The following TXNDC8 variants were observed in gnomAD, a reference collection of about 807,000 sequenced individuals.
TXNDC8 encodes thioredoxin domain-containing protein 8.
TXNDC8 carries 15 observed loss-of-function variants against 12.9 expected under a neutral mutation model. That is an observed-to-expected ratio of 1.16 (90% confidence interval 0.78 to 1.79). TXNDC8 has a LOEUF of 1.79. TXNDC8 is among the 40% of genes most tolerant of loss of function. The pLI, the probability that TXNDC8 is intolerant of heterozygous loss-of-function variation, is 0.00. For missense variants in TXNDC8, 128 were observed against 113.2 expected (o/e 1.13, Z -0.59); for synonymous variants, 40 against 35.4 (o/e 1.13, Z -0.46).
chr9:110,319,903 T>C (rs1839027777), intron 3 of TXNDC8, among the ~76,000 whole-genome samples: 1 of 152,182 alleles, frequency 6.6e-6, no homozygotes, highest in Admixed American at 6.5e-5. Context: ...GCAAGAGCCC[T>C]ACAGTTCATA....
At chr9:110,332,822 GA>G (rs1839596483) in intron 2 of TXNDC8, among the ~76,000 whole-genome samples, 1 of 152,094 alleles carries the variant, frequency 6.6e-6, no homozygotes, top group East Asian at 1.9e-4. Flanking sequence ...GTGTATGTGG[GA>G]AAAAGATTTG....
intron 3 of TXNDC8, among the ~76,000 whole-genome samples, chr9:110,309,250 C>T (rs556325913): frequency 1.6e-4 from 24 of 152,270 alleles, no homozygotes; most frequent in South Asian, 1.0e-3. Context: ...CTGGGTGACT[C>T]GGGCCTCAAG....
At chr9:110,326,118 G>A in intron 3 of TXNDC8, 57 bp downstream of exon 4, 1 of 1,576,940 alleles carries the variant, frequency 6.3e-7, no homozygotes. Context: ...GCTTTTTTGA[G>A]GGACTCTGAT....
intron 3 of TXNDC8, among the ~76,000 whole-genome samples, chr9:110,320,832 A>T (rs558703387): frequency 1.4e-4 from 22 of 152,322 alleles, no homozygotes; most frequent in African/African-American, 5.3e-4. Flanking sequence ...CACCACAATT[A>T]ATCTTCCTGA....
intron 3 of TXNDC8, among the ~76,000 whole-genome samples, chr9:110,308,402 C>T (rs1838538516): frequency 6.6e-6 from 1 of 151,912 alleles, no homozygotes; most frequent in Admixed American, 6.6e-5. Flanking sequence ...TTTGTCTTGG[C>T]TAAAGTTAAT....
intron 3 of TXNDC8, among the ~76,000 whole-genome samples, chr9:110,307,646 C>T (rs1838516342): frequency 1.3e-5 from 2 of 152,164 alleles, no homozygotes; most frequent in Non-Finnish European, 2.9e-5. Flanking sequence ...GAAAACCTGC[C>T]TCCCATTCTT....
At chr9:110,337,167 C>A (rs1839788434) in intron 1 of TXNDC8, among the ~76,000 whole-genome samples, 1 of 152,180 alleles carries the variant, frequency 6.6e-6, no homozygotes, top group African/African-American at 2.4e-5. Flanking sequence ...ACCCCCTCCC[C>A]TCCTCCAGCT....
intron 3 of TXNDC8, among the ~76,000 whole-genome samples, chr9:110,305,583 TTTCTTTCTTTC>T (rs1838415709): frequency 7.1e-6 from 1 of 140,658 alleles, no homozygotes; most frequent in Admixed American, 6.9e-5. Flanking sequence ...TCTTTCTTTC[TTTCTTTCTTTC>T]TTTCTTTCTT....
chr9:110,323,179 G>A (rs549009770), intron 3 of TXNDC8: 72 of 985,368 alleles, frequency 7.3e-5, no homozygotes, highest in African/African-American at 3.0e-4. Flanking sequence ...CATTGCAATT[G>A]TCTAAGTAAA....
intron 3 of TXNDC8, among the ~76,000 whole-genome samples, chr9:110,324,555 TG>T (rs1371795871): frequency 6.6e-6 from 1 of 152,192 alleles, no homozygotes; most frequent in Non-Finnish European, 1.5e-5. Flanking sequence ...TCCTATTTCA[TG>T]GAGTAGATGT....
chr9:110,320,522 T>C (rs1264713922), intron 3 of TXNDC8, among the ~76,000 whole-genome samples: 1 of 152,184 alleles, frequency 6.6e-6, no homozygotes. Context: ...TGTGTCTTTA[T>C]TAGCAGCATG....
intron 2 of TXNDC8, among the ~76,000 whole-genome samples, chr9:110,332,845 A>G (rs1030987369): frequency 2.0e-5 from 3 of 152,246 alleles, no homozygotes; most frequent in Non-Finnish European, 4.4e-5. Flanking sequence ...ATATAAATAT[A>G]TGATTACAAC....
downstream of TXNDC8, among the ~76,000 whole-genome samples, chr9:110,303,061 C>CA (rs34213696): frequency 0.13 from 18,447 of 143,782 alleles, 1,194 homozygotes; most frequent in Admixed American, 0.2. Context: ...AAGACTGTCT[C>CA]AAAAAAAAAA....
chr9:110,337,828 CCT>C lies in TXNDC8; in HGVS notation c.-34_-33del. 6.2e-7 allele frequency: 1 copy of C among 1,612,322 alleles called. No individual in the cohort carries two copies. The highest frequency in any genetic ancestry group is 8.5e-7 in the Non-Finnish European group (1 of 1,178,798). On this transcript the variant is annotated 5_prime_UTR_variant, in exon 1 of 5. Transcript: ENST00000423740. ...ACCAGGGAAGTGCTGATGAAAATCCCCTGTTGGTTTAGTTGGATCACTGTAGC... is the reference window on the plus strand; with the variant it reads ...ACCAGGGAAGTGCTGATGAAAATCCCGTTGGTTTAGTTGGATCACTGTAGC...
rs1198378815 is a variant in TXNDC8 at position 110,325,994 on chromosome 9, G to T, written c.195+181C>A. ...TAAGTCATACATTTTTTAACCCTTT[G>T]TAAAGTTGTATGTAAAGTTGTTGTA... is the stretch of plus-strand genomic sequence containing the variant. On this transcript the variant is annotated intron_variant, in intron 3 of 4. Transcript: ENST00000423740. Among the ~76,000 whole-genome samples, 3 of 152,138 alleles carry T rather than the reference G, an allele frequency of 2.0e-5. No homozygotes were observed. In the East Asian group the frequency reaches 5.8e-4, roughly 29 times the overall value.
intron 3 of TXNDC8, among the ~76,000 whole-genome samples, chr9:110,315,704 G>A (rs1189200353): frequency 6.6e-6 from 1 of 151,372 alleles, no homozygotes; most frequent in Non-Finnish European, 1.5e-5. Context: ...GTAGAGATAG[G>A]GTTTCACTAT....
At chr9:110,337,186 C>G (rs1839788960) in intron 1 of TXNDC8, among the ~76,000 whole-genome samples, 1 of 152,160 alleles carries the variant, frequency 6.6e-6, no homozygotes, top group Non-Finnish European at 1.5e-5. Flanking sequence ...CTCTTGACTT[C>G]TTGTAATGAG....
intron 2 of TXNDC8, among the ~76,000 whole-genome samples, chr9:110,329,814 G>C (rs1172021199): frequency 6.6e-6 from 1 of 152,096 alleles, no homozygotes; most frequent in South Asian, 2.1e-4. Flanking sequence ...TTGCACTCCT[G>C]TTGCCGTCTC....
downstream of TXNDC8, among the ~76,000 whole-genome samples, chr9:110,303,283 C>T (rs1838310402): frequency 6.6e-6 from 1 of 152,048 alleles, no homozygotes. Context: ...AAAACACTGC[C>T]CAAGGAGTGT....
Sources: gnomAD v4.1 joint callset for allele counts (sites outside exome capture counted in the v4.1 genomes callset) on GRCh38, gnomAD v4.1.1 for gene constraint, MANE v1.5 for transcripts, NCBI Gene and HGNC (gene_info 2026-07-23, HGNC 2026-07-21) for gene names.